The following MAP4K3 variants were observed in gnomAD, a reference collection of about 807,000 sequenced individuals.
MAP4K3 encodes the protein MAPK/ERK kinase kinase kinase 3.
Under a neutral mutation model 143.5 loss-of-function variants are expected in MAP4K3, and 94 were observed. That is an observed-to-expected ratio of 0.65 (90% CI 0.55 to 0.78). The LOEUF (loss-of-function observed/expected upper bound fraction) is 0.78. MAP4K3 is among the 30% of genes least tolerant of loss of function. The pLI is 0.00. For missense variants in MAP4K3, 1,077 were observed against 1,068.1 expected, an observed-to-expected ratio of 1.01 and a Z score of -0.12; for synonymous variants, 416 against 347.2, an observed-to-expected ratio of 1.20 and a Z score of -2.20.
chr2:39,404,609 C>T lies in MAP4K3; in HGVS notation c.97-26486G>A, dbSNP rs113384156. On this transcript the variant is annotated intron_variant, in intron 1 of 33. Transcript: ENST00000263881. ...TTCTGAGGTTTCTTTTTTTTTTCTT[C>T]TTTCTTTCTTTTTTTTTTTTTTTTT... Among the ~76,000 whole-genome samples the T allele has an allele frequency of 2.3e-3, 304 of 133,574 alleles. 1 individual carries two copies. Among genetic ancestry groups the T allele is most frequent in the African/African-American group, 3.7e-3 (132 of 35,780 alleles). 87.6% of individuals were successfully genotyped at this position (133,574 alleles called of 152,430 possible).
chr2:39,415,844 T>C (rs1241288980), intron 1 of MAP4K3, among the ~76,000 whole-genome samples: 3 of 144,552 alleles, frequency 2.1e-5, no homozygotes, highest in African/African-American at 7.7e-5. Context: ...TCCCAGCTAC[T>C]TGGGAGGCTG....
At chr2:39,323,561 T>C (rs904453894) in intron 12 of MAP4K3, 2 of 152,230 alleles carry the variant, frequency 1.3e-5, no homozygotes, top group Non-Finnish European at 2.9e-5. Context: ...TGTATATTAA[T>C]TGAAATTGCA....
intron 4 of MAP4K3, among the ~76,000 whole-genome samples, chr2:39,339,115 C>T (rs898040310): frequency 6.6e-6 from 1 of 152,148 alleles, no homozygotes; most frequent in Non-Finnish European, 1.5e-5. Context: ...AGTAAACTCA[C>T]ATTTACACAA....
chr2:39,343,875 T>G (rs1665210663), intron 3 of MAP4K3, among the ~76,000 whole-genome samples: 1 of 152,202 alleles, frequency 6.6e-6, no homozygotes, highest in South Asian at 2.1e-4. Flanking sequence ...GATTCAACAG[T>G]GATTTTCCCA....
chr2:39,295,780 G>A (rs1020256390), intron 16 of MAP4K3, among the ~76,000 whole-genome samples: 26 of 142,472 alleles, frequency 1.8e-4, no homozygotes, highest in African/African-American at 5.5e-4. Context: ...GTGCAGTGGC[G>A]TGATCTTGGC....
chr2:39,325,465 T>C (rs1482671636), intron 12 of MAP4K3, 53 bp downstream of exon 12: 2 of 1,263,704 alleles, frequency 1.6e-6, no homozygotes, highest in African/African-American at 1.5e-5. Flanking sequence ...GACACACATA[T>C]ATACATACAC....
chr2:39,293,155 C>T (rs1682122292), intron 17 of MAP4K3, 75 bp downstream of exon 17: 4 of 1,037,224 alleles, frequency 3.9e-6, no homozygotes, highest in South Asian at 1.5e-5. Context: ...AAATAGGCTA[C>T]ATAACAGAGA....
intron 2 of MAP4K3, among the ~76,000 whole-genome samples, chr2:39,368,720 T>G (rs1360332650): frequency 6.6e-6 from 1 of 151,904 alleles, no homozygotes; most frequent in African/African-American, 2.4e-5. Context: ...TTAAATAAAA[T>G]AGTTCTAATT....
intron 20 of MAP4K3, among the ~76,000 whole-genome samples, chr2:39,287,780 A>T (rs577112407): frequency 6.6e-6 from 1 of 152,352 alleles, no homozygotes; most frequent in East Asian, 1.9e-4. Context: ...CTTCTAAAAC[A>T]GAAGTAACCT....
chr2:39,370,967 A>AG (rs1666065760), intron 2 of MAP4K3, among the ~76,000 whole-genome samples: 2 of 152,056 alleles, frequency 1.3e-5, no homozygotes, highest in Middle Eastern at 3.2e-3. Flanking sequence ...ATATATATAA[A>AG]TTCTATTCTA....
At chr2:39,344,850 T>C (rs1469369693) in intron 3 of MAP4K3, among the ~76,000 whole-genome samples, 1 of 152,122 alleles carries the variant, frequency 6.6e-6, no homozygotes, top group Non-Finnish European at 1.5e-5. Context: ...TGTGGGAGAC[T>C]GTGGGTGATT....
chr2:39,353,894 A>G (rs1466392411), intron 3 of MAP4K3, among the ~76,000 whole-genome samples: 3 of 152,194 alleles, frequency 2.0e-5, no homozygotes, highest in African/African-American at 7.2e-5. Flanking sequence ...TATTATTATC[A>G]TCTGTTTTAT....
intron 1 of MAP4K3, among the ~76,000 whole-genome samples, chr2:39,407,642 G>A (rs1667132586): frequency 1.3e-5 from 2 of 152,118 alleles, no homozygotes; most frequent in African/African-American, 4.8e-5. Context: ...CATGACCTTG[G>A]ATCACTGCAG....
chr2:39,267,140 T>C, intron 27 of MAP4K3, 49 bp downstream of exon 27: 2 of 1,564,940 alleles, frequency 1.3e-6, no homozygotes, highest in Non-Finnish European at 8.8e-7. Flanking sequence ...TTATGCCAGA[T>C]TTTAGGAGGA....
chr2:39,388,425 GCT>G (rs1666568382), intron 1 of MAP4K3, among the ~76,000 whole-genome samples: 1 of 152,146 alleles, frequency 6.6e-6, no homozygotes, highest in Admixed American at 6.5e-5. Flanking sequence ...AGTATAAACA[GCT>G]TTAAAAAATC....
Position 39,249,587 on chromosome 2 carries a change from T to TTAA in MAP4K3, c.*1028_*1030dup, listed in dbSNP as rs1429601876. On this transcript the variant is annotated 3_prime_UTR_variant, in exon 34 of 34. Coordinates refer to ENST00000263881, the MANE Select transcript of MAP4K3 (RefSeq NM_003618.4). ...GTAACTAAATTATTTTGGCCATGTA[T>TTAA]TAATACTCTAAGTCAAAAGAAATAT... 6.6e-6 allele frequency: 1 copy of TTAA among 152,570 alleles called. No homozygotes were observed. The highest frequency in any genetic ancestry group is 6.5e-5 in the Admixed American group (1 of 15,278). 9.5% of individuals were successfully genotyped at this position (152,570 alleles called of 1,614,324 possible).
At chr2:39,322,812 C>G (rs141827318) in intron 12 of MAP4K3, among the ~76,000 whole-genome samples, 281 of 151,640 alleles carry the variant, frequency 1.9e-3, no homozygotes, top group African/African-American at 6.5e-3. Flanking sequence ...TGGGATTACA[C>G]GCATGAGCCA....
chr2:39,333,555 G>A lies in MAP4K3; in HGVS notation c.434C>T (p.Thr145Met), dbSNP rs755676925. Reference protein sequence around the residue: ...RDIKGANILLTDNGHVKLADF... With the variant: ...RDIKGANILLMDNGHVKLADF... ...ACCCAATTTCACATGACCATTATCCGTTAATAGAATGTTAGCTCCCTTCAA... is the reference window on the plus strand; with the variant it reads ...ACCCAATTTCACATGACCATTATCCATTAATAGAATGTTAGCTCCCTTCAA... The change falls in exon 7 of 34, where the codon ACG (threonine) becomes ATG (methionine). Residue 145 changes from threonine (T) to methionine (M), a missense_variant. Coordinates refer to ENST00000263881, the MANE Select transcript of MAP4K3 (RefSeq NM_003618.4). 8 of 1,605,098 alleles carry A rather than the reference G, an allele frequency of 5.0e-6. No homozygotes were observed. Among genetic ancestry groups the A allele is most frequent in the Admixed American group, 1.7e-5 (1 of 59,754 alleles).
At chr2:39,298,322 C>T (rs548199552) in intron 16 of MAP4K3, among the ~76,000 whole-genome samples, 173 of 151,870 alleles carry the variant, frequency 1.1e-3, no homozygotes, top group Middle Eastern at 6.8e-3. Context: ...CACTTATTTT[C>T]CATTTTAAAA....
Sources: gnomAD v4.1 joint callset for allele counts (sites outside exome capture counted in the v4.1 genomes callset) on GRCh38, gnomAD v4.1.1 for gene constraint, MANE v1.5 for transcripts, NCBI Gene and HGNC (gene_info 2026-07-23, HGNC 2026-07-21) for gene names.